USP38: variants seen among roughly 807,000 people sequenced by gnomAD.
USP38 encodes ubiquitin specific peptidase 38.
A neutral mutation model predicts 94.3 loss-of-function variants in USP38; 49 were observed. The observed-to-expected ratio is 0.52, with a 90% CI of 0.41 to 0.66. The LOEUF is 0.66. Among genes scored for constraint, USP38 ranks in the 30% least tolerant of loss-of-function variants. The pLI is 0.00. For missense variants in USP38, 1,128 were observed against 1,229.4 expected (o/e 0.92, Z 1.23); for synonymous variants, 468 against 463.6 (o/e 1.01, Z -0.12).
chr4:143,220,488 A>T lies in USP38; in HGVS notation c.*32A>T. 6.3e-7 allele frequency: 1 copy of T among 1,592,908 alleles called. No individual in the cohort carries two copies. The highest frequency in any genetic ancestry group is 1.1e-5 in the South Asian group (1 of 88,336). On this transcript the variant is annotated 3_prime_UTR_variant, in exon 10 of 10. Transcript: ENST00000307017. ...GAGAGTCCAAAATGCACTGGTCACG[A>T]AACGTCTAATACTATGACTGTTAAA...
At chr4:143,203,287 T>A (rs1409285350) in intron 4 of USP38, 121 bp from the exon 5 acceptor site, 6 of 989,314 alleles carry the variant, frequency 6.1e-6, no homozygotes, top group Admixed American at 5.8e-5. Context: ...AGAAAAACTC[T>A]GTGACTGCAC....
rs201732917 is a variant in USP38, at chr4:143,214,382, A to G, written c.2406A>G (p.Ser802=). The G allele has an allele frequency of 6.4e-5, 104 of 1,613,732 alleles. No homozygotes were observed. Among genetic ancestry groups the G allele is most frequent in the Admixed American group, 5.8e-4 (35 of 59,934 alleles). Residue 802 remains serine (S), a synonymous_variant, in exon 9 of 10, where the codon TCA becomes TCG. Coordinates refer to ENST00000307017, the MANE Select transcript of USP38 (RefSeq NM_032557.6). The stretch of plus-strand genomic sequence containing the variant: ...TTAAAAGAATTACTTCTTTCTCTTC[A>G]TTGTCAGAAAGTTGGTCTGTAGATG... ...LPVKRITSFS[S]LSESWSVDVD...
At chr4:143,195,140 G>A (rs1022728175) in intron 2 of USP38, among the ~76,000 whole-genome samples, 2 of 152,066 alleles carry the variant, frequency 1.3e-5, no homozygotes, top group African/African-American at 4.8e-5. Context: ...GAGGAATCTT[G>A]GATCATATTC....
At chr4:143,215,628 G>A (rs1732163972) in intron 9 of USP38, 1 of 151,788 alleles carries the variant, frequency 6.6e-6, no homozygotes, top group African/African-American at 2.4e-5. Context: ...AACATACAGG[G>A]CTAGCAGTAA....
Position 143,212,375 on chromosome 4 carries a change from C to A in USP38, c.1555C>A (p.Pro519Thr). The A allele has an allele frequency of 6.2e-7, 1 of 1,612,328 alleles. No homozygotes were observed. The highest frequency in any genetic ancestry group is 1.1e-5 in the South Asian group (1 of 90,940). Reference sequence around the variant, plus strand: ...GGCTTCCAGACCTCCATGGTTTACTCCCAGATCACAGCAAGACTGTTCTGA... The same window carrying A: ...GGCTTCCAGACCTCCATGGTTTACTACCAGATCACAGCAAGACTGTTCTGA... The part of the protein sequence containing the change: ...FEASRPPWFT[P>T]RSQQDCSEYL... Residue 519 changes from proline (P) to threonine (T), a missense_variant, in exon 8 of 10, where the codon CCC becomes ACC. Coordinates refer to ENST00000307017, the MANE Select transcript of USP38 (RefSeq NM_032557.6).
chr4:143,214,262 T>A lies in USP38; in HGVS notation c.2286T>A (p.Ile762=). ...MQITEEPEYL[I]LTLLRFSYDQ... ...TCACGGAGGAACCTGAATACCTTAT[T>A]CTTACTCTCCTGAGATTTTCATATG... Residue 762 remains isoleucine (I), a synonymous_variant, in exon 9 of 10, where the codon ATT becomes ATA. Transcript: ENST00000307017. 6.2e-7 allele frequency: 1 copy of A among 1,613,490 alleles called. No homozygotes were observed. Among genetic ancestry groups the A allele is most frequent in the Admixed American group, 1.7e-5 (1 of 59,886 alleles).
At position 143,220,598 on chromosome 4, in the gene USP38, T is replaced by C; in HGVS notation, c.*142T>C. 3 of 831,196 alleles carry C rather than the reference T, an allele frequency of 3.6e-6. No homozygotes were observed. The highest frequency in any genetic ancestry group is 1.6e-6 in the Non-Finnish European group (1 of 611,254). 51.5% of individuals were successfully genotyped at this position (831,196 alleles called of 1,614,324 possible). A position where few individuals can be genotyped will look rare whatever the true frequency, so the allele number is the denominator to read the frequency against. The stretch of plus-strand genomic sequence containing the variant: ...GAACACACTCAGTGCTTGTTTTTAT[T>C]TTCTTGACACATTTATTAACAAAAT... On this transcript the variant is annotated 3_prime_UTR_variant, in exon 10 of 10. Transcript: ENST00000307017.
chr4:143,212,457 G>A, intron 8 of USP38, 33 bp downstream of exon 8: 6 of 1,472,114 alleles, frequency 4.1e-6, no homozygotes, highest in Non-Finnish European at 5.6e-6. Context: ...TGATTTGAGT[G>A]TTGTCTTTCA....
rs1326723859 is a variant in USP38, at chr4:143,220,437, T to C, written c.3110T>C (p.Val1037Ala). 3 of 1,612,248 alleles carry C rather than the reference T, an allele frequency of 1.9e-6. No individual in the cohort carries two copies. The highest frequency in any genetic ancestry group is 2.2e-5 in the South Asian group (2 of 90,932). Residue 1037 changes from valine to alanine, a missense_variant, in exon 10 of 10, where the codon GTT (valine) becomes GCT (alanine). Transcript: ENST00000307017. ...GGGGGGGFNT[V>A]GRLVF is the part of the protein sequence containing the mutation. Reference sequence around the variant, plus strand: ...GGGGGTGGAGGAGGATTTAATACAGTTGGCAGACTCGTATTTTGATCCTGA... The same window carrying C: ...GGGGGTGGAGGAGGATTTAATACAGCTGGCAGACTCGTATTTTGATCCTGA...
intron 9 of USP38, among the ~76,000 whole-genome samples, chr4:143,219,280 GTATC>G (rs1367187284): frequency 2.6e-5 from 4 of 151,988 alleles, no homozygotes; most frequent in South Asian, 2.1e-4. Flanking sequence ...GAAAAATAAA[GTATC>G]TATAATATGA....
chr4:143,194,810 C>T (rs1464718097), intron 2 of USP38, among the ~76,000 whole-genome samples: 1 of 152,002 alleles, frequency 6.6e-6, no homozygotes, highest in Non-Finnish European at 1.5e-5. Flanking sequence ...ATCTGACTTT[C>T]AGCTGCTTTC....
At chr4:143,210,959 A>G (rs1464631553) in intron 7 of USP38, among the ~76,000 whole-genome samples, 1 of 152,036 alleles carries the variant, frequency 6.6e-6, no homozygotes, top group African/African-American at 2.4e-5. Context: ...TATGTTCACA[A>G]ATTAAATTTA....
rs141044504 is a variant in USP38 at position 143,212,383 on chromosome 4, A to G, written c.1563A>G (p.Ser521=). The G allele has an allele frequency of 2.5e-5, 40 of 1,611,298 alleles. No homozygotes were observed. In the African/African-American group the frequency reaches 4.8e-4, roughly 19 times the overall value. The part of the protein sequence containing the change: ...ASRPPWFTPR[S]QQDCSEYLRF... ...GACCTCCATGGTTTACTCCCAGATC[A>G]CAGCAAGACTGTTCTGAATACCTCA... is the stretch of plus-strand genomic sequence containing the variant. The change falls in exon 8 of 10, where the codon TCA becomes TCG. Residue 521 remains serine (S), a synonymous_variant. Coordinates refer to ENST00000307017, the MANE Select transcript of USP38 (RefSeq NM_032557.6).
chr4:143,199,044 A>G (rs572823798), intron 4 of USP38, among the ~76,000 whole-genome samples: 172 of 152,214 alleles, frequency 1.1e-3, no homozygotes, highest in African/African-American at 3.9e-3. Context: ...AGGTAAACTC[A>G]TGTCACATGG....
At chr4:143,204,817 G>GA (rs1471108432) in intron 5 of USP38, among the ~76,000 whole-genome samples, 1 of 152,128 alleles carries the variant, frequency 6.6e-6, no homozygotes, top group Admixed American at 6.5e-5. Context: ...GAAATTATTA[G>GA]AAATCAATTC....
In USP38 at chr4:143,213,618, TCA is replaced by T. The variant is rs1208657650; in HGVS notation, c.1647_1648del (p.His549GlnfsTer4). 5 of 1,612,126 alleles carry T rather than the reference TCA, an allele frequency of 3.1e-6. No individual in the cohort carries two copies. Among genetic ancestry groups the T allele is most frequent in the Non-Finnish European group, 4.2e-6 (5 of 1,179,270 alleles). ...EEEKILKVQA[S>X]HKPSEILECS... Reference sequence around the variant, plus strand: ...AGAAAAGATCTTGAAAGTTCAGGCCTCACACAAGCCTTCTGAAATTCTGGAAT... The same window carrying T: ...AGAAAAGATCTTGAAAGTTCAGGCCTCACAAGCCTTCTGAAATTCTGGAAT... On this transcript the variant is annotated frameshift_variant, in exon 9 of 10. Transcript: ENST00000307017. LOFTEE classifies it high-confidence loss of function.
At chr4:143,215,362 T>TA (rs1732158231) in intron 9 of USP38, 1 of 164,708 alleles carries the variant, frequency 6.1e-6, no homozygotes, top group African/African-American at 2.4e-5. Flanking sequence ...TGGATAAGAT[T>TA]AAAAAACACT....
At chr4:143,197,054 C>A (rs1299907848) in intron 3 of USP38, among the ~76,000 whole-genome samples, 1 of 152,222 alleles carries the variant, frequency 6.6e-6, no homozygotes, top group African/African-American at 2.4e-5. Flanking sequence ...CACACAAGGT[C>A]CTATGTATTC....
rs952980101 is a variant in USP38 at position 143,214,663 on chromosome 4, C to G, written c.2687C>G (p.Pro896Arg). The stretch of plus-strand genomic sequence containing the variant: ...AGTCATTTACTAGGGAGAGATAGTC[C>G]CAGTGCAGTTTTTGAACAGGATTTG... ...SQSHLLGRDS[P>R]SAVFEQDLEN... Residue 896 changes from proline (P) to arginine (R), a missense_variant, in exon 9 of 10, where the codon CCC becomes CGC. By Grantham distance (103) the Pro-to-Arg change is moderately radical. Coordinates refer to ENST00000307017, the MANE Select transcript of USP38 (RefSeq NM_032557.6). 4.2e-5 allele frequency: 67 copies of G among 1,613,510 alleles called. No individual in the cohort carries two copies. Among genetic ancestry groups the G allele is most frequent in the Non-Finnish European group, 5.2e-5 (61 of 1,179,790 alleles).
Sources: allele counts gnomAD v4.1 joint callset (sites outside exome capture counted in the v4.1 genomes callset), GRCh38; gene constraint gnomAD v4.1.1; transcripts MANE v1.5; gene names NCBI Gene and HGNC (gene_info 2026-07-23, HGNC 2026-07-21).